TJP1: variants seen among roughly 807,000 people sequenced by gnomAD.
The protein encoded by TJP1 is tight junction protein ZO-1.
Under a neutral mutation model 194.2 loss-of-function variants are expected in TJP1, and 43 were observed. That is an observed-to-expected ratio of 0.22 (90% CI 0.17 to 0.29). The LOEUF is 0.29. Among genes scored for constraint, TJP1 ranks in the 10% least tolerant of loss-of-function variants. The pLI is 1.00. For missense variants in TJP1, 1,971 were observed against 2,185.7 expected (o/e 0.90, Z 1.96); for synonymous variants, 801 against 779.0 (o/e 1.03, Z -0.47).
At chr15:29,836,452 T>C (rs568767460) in intron 2 of TJP1, among the ~76,000 whole-genome samples, 1 of 152,046 alleles carries the variant, frequency 6.6e-6, no homozygotes, top group East Asian at 1.9e-4. Flanking sequence ...TTTTGTATTT[T>C]AGTAGAGACG....
Position 29,734,285 on chromosome 15 carries a change from T to G in TJP1, c.1505A>C (p.Lys502Thr). 1 of 1,608,146 alleles carries G rather than the reference T, an allele frequency of 6.2e-7. No individual in the cohort carries two copies. The highest frequency in any genetic ancestry group is 2.2e-5 in the East Asian group (1 of 44,534). Residue 502 changes from lysine to threonine, a missense_variant, in exon 12 of 28, where the codon AAG becomes ACG. Transcript: ENST00000614355. The stretch of plus-strand genomic sequence containing the variant: ...TGACAGCATCTCACCATCCTTCTTC[T>G]TCTGAGCCAATATGGTCACTTCTTC... ...KGEEVTILAQ[K>T]KKDVYRRIVE...
intron 2 of TJP1, among the ~76,000 whole-genome samples, chr15:29,947,545 T>C (rs1487241742): frequency 6.6e-6 from 1 of 152,202 alleles, no homozygotes; most frequent in African/African-American, 2.4e-5. Flanking sequence ...CGTTTCCTCC[T>C]TCTTCCTTAC....
chr15:29,709,233 A>G (rs981395971), intron 24 of TJP1, among the ~76,000 whole-genome samples, 197 bp from the exon 25 acceptor site: 4 of 152,066 alleles, frequency 2.6e-5, no homozygotes, highest in Non-Finnish European at 5.9e-5. Context: ...ATGAATATAT[A>G]TACCCTGCTG....
chr15:29,906,034 A>G (rs937480827), intron 2 of TJP1, among the ~76,000 whole-genome samples: 5 of 152,196 alleles, frequency 3.3e-5, no homozygotes, highest in African/African-American at 1.2e-4. Flanking sequence ...TGATGTGTCA[A>G]TGTAGGTTAA....
At chr15:29,761,544 T>C in intron 7 of TJP1, 57 bp downstream of exon 7, 1 of 1,531,156 alleles carries the variant, frequency 6.5e-7, no homozygotes, top group Non-Finnish European at 8.8e-7. Flanking sequence ...TCAATCTCCC[T>C]AGTATTTTAA....
intron 2 of TJP1, among the ~76,000 whole-genome samples, chr15:29,913,347 A>T (rs2054082607): frequency 6.6e-6 from 1 of 152,146 alleles, no homozygotes; most frequent in African/African-American, 2.4e-5. Context: ...AATATGGAGG[A>T]TTTGTTGGTT....
chr15:29,772,004 GA>G, intron 4 of TJP1, 59 bp downstream of exon 4: 4 of 1,060,084 alleles, frequency 3.8e-6, no homozygotes, highest in East Asian at 2.5e-5. Flanking sequence ...TCAAATACCA[GA>G]AATGTATCAA....
intron 2 of TJP1, among the ~76,000 whole-genome samples, chr15:29,884,646 A>T (rs1363530322): frequency 6.6e-6 from 1 of 152,232 alleles, no homozygotes; most frequent in East Asian, 1.9e-4. Context: ...GCAATATTTT[A>T]GGCCTTTCTT....
chr15:29,788,559 G>C (rs1431427589), intron 2 of TJP1, among the ~76,000 whole-genome samples: 1 of 151,948 alleles, frequency 6.6e-6, no homozygotes, highest in Non-Finnish European at 1.5e-5. Flanking sequence ...GTTAATGACT[G>C]TTCTTCCCTC....
At chr15:29,897,692 G>A (rs2053519852) in intron 2 of TJP1, among the ~76,000 whole-genome samples, 2 of 152,174 alleles carry the variant, frequency 1.3e-5, no homozygotes, top group African/African-American at 4.8e-5. Context: ...CAAGACCATG[G>A]GAATCCACCT....
intron 10 of TJP1, among the ~76,000 whole-genome samples, chr15:29,738,865 TAA>T (rs71103406): frequency 6.1e-5 from 3 of 48,866 alleles, no homozygotes; most frequent in African/African-American, 1.9e-4. Context: ...CTGTCACTAC[TAA>T]AAAAAAAAAA....
chr15:29,792,149 G>A (rs974820607), intron 2 of TJP1, among the ~76,000 whole-genome samples: 1 of 152,156 alleles, frequency 6.6e-6, no homozygotes, highest in African/African-American at 2.4e-5. Flanking sequence ...ATTTTGTTGT[G>A]GTTGCCTGTT....
chr15:29,859,076 C>T (rs2051972881), intron 2 of TJP1, among the ~76,000 whole-genome samples: 1 of 152,088 alleles, frequency 6.6e-6, no homozygotes, highest in Non-Finnish European at 1.5e-5. Context: ...ATTTAAGTGA[C>T]ATTAGTTACA....
intron 1 of TJP1, among the ~76,000 whole-genome samples, chr15:29,809,107 T>A (rs1338906339): frequency 6.6e-6 from 1 of 152,194 alleles, no homozygotes; most frequent in African/African-American, 2.4e-5. Flanking sequence ...GTGCAAAATA[T>A]ACATGATATG....
intron 15 of TJP1, chr15:29,729,442 T>C (rs191828510): frequency 1.3e-5 from 2 of 152,248 alleles, no homozygotes; most frequent in Admixed American, 6.5e-5. Context: ...TTCAACTTCA[T>C]TGGCAATGAA....
At chr15:29,898,496 G>C (rs2053544082) in intron 2 of TJP1, among the ~76,000 whole-genome samples, 1 of 152,016 alleles carries the variant, frequency 6.6e-6, no homozygotes, top group South Asian at 2.1e-4. Flanking sequence ...TTTTTTGAAA[G>C]CAACAACTTA....
At chr15:29,921,923 C>A (rs1185086314) in intron 2 of TJP1, among the ~76,000 whole-genome samples, 1 of 151,156 alleles carries the variant, frequency 6.6e-6, no homozygotes, top group Non-Finnish European at 1.5e-5. Flanking sequence ...CGGCTCATTG[C>A]AACCTCCGCC....
chr15:29,822,048 G>A lies in TJP1; in HGVS notation c.-20C>T, dbSNP rs763768231. 9 of 1,309,838 alleles carry A rather than the reference G, an allele frequency of 6.9e-6. No individual in the cohort carries two copies. The highest frequency in any genetic ancestry group is 2.1e-4 in the Middle Eastern group (1 of 4,732). 81.1% of individuals were successfully genotyped at this position (1,309,838 alleles called of 1,614,324 possible). ...GGACATCTTGTCTCTCTCCAGCGCC[G>A]CGCGAGGCTCCTCGGACCCGAAACT... On this transcript the variant is annotated 5_prime_UTR_variant, in exon 1 of 28. Transcript: ENST00000614355.
At chr15:29,918,567 A>G (rs7495809) in intron 2 of TJP1, among the ~76,000 whole-genome samples, 39,508 of 151,910 alleles carry the variant, frequency 0.26, 6,300 homozygotes, top group Non-Finnish European at 0.36. Flanking sequence ...AAACCCCATC[A>G]TTACAAAAAA....
Sources: gnomAD v4.1 joint callset for allele counts (sites outside exome capture counted in the v4.1 genomes callset) on GRCh38, gnomAD v4.1.1 for gene constraint, MANE v1.5 for transcripts, NCBI Gene and HGNC (gene_info 2026-07-23, HGNC 2026-07-21) for gene names.